Variants in TTC29 observed in about 807,000 individuals in gnomAD.
The protein encoded by TTC29 is tetratricopeptide repeat protein 29.
Under a neutral mutation model 58.1 loss-of-function variants are expected in TTC29, and 49 were observed. That is an observed-to-expected ratio of 0.84 (90% CI 0.67 to 1.07). The LOEUF (loss-of-function observed/expected upper bound fraction) is 1.07, where lower values mean the gene tolerates loss of function less well. Among genes scored for constraint, TTC29 ranks in the 50% least tolerant of loss-of-function variants. TTC29 has a pLI of 0.00. For synonymous variants in TTC29, 209 were observed against 196.8 expected (o/e 1.06, Z -0.52); for missense variants, 582 against 555.6 (o/e 1.05, Z -0.48).
chr4:146,825,018 G>T (rs1727677555), intron 9 of TTC29, among the ~76,000 whole-genome samples: 1 of 151,986 alleles, frequency 6.6e-6, no homozygotes, highest in African/African-American at 2.4e-5. Context: ...CTTGCTAGCA[G>T]TTTATCTATT....
intron 3 of TTC29, among the ~76,000 whole-genome samples, chr4:146,938,860 G>A (rs1235868877): frequency 6.6e-6 from 1 of 152,076 alleles, no homozygotes; most frequent in Non-Finnish European, 1.5e-5. Context: ...ATTTATATTG[G>A]TAACTAATAT....
intron 11 of TTC29, among the ~76,000 whole-genome samples, chr4:146,745,371 G>C (rs1389018291): frequency 6.6e-6 from 1 of 152,350 alleles, no homozygotes; most frequent in African/African-American, 2.4e-5. Context: ...ACTAGTCATG[G>C]AGCTGAGGCT....
At chr4:146,866,090 C>T (rs538220162) in intron 8 of TTC29, among the ~76,000 whole-genome samples, 72 of 152,172 alleles carry the variant, frequency 4.7e-4, no homozygotes, top group African/African-American at 1.6e-3. Flanking sequence ...AAGCCAGAAA[C>T]GTGTAACTGT....
intron 11 of TTC29, among the ~76,000 whole-genome samples, chr4:146,755,312 T>G (rs1405700625): frequency 6.6e-6 from 1 of 152,170 alleles, no homozygotes; most frequent in Non-Finnish European, 1.5e-5. Context: ...CAATATAAAG[T>G]TTTAATGCAA....
intron 5 of TTC29, among the ~76,000 whole-genome samples, chr4:146,905,490 A>G (rs1231029545): frequency 6.6e-6 from 1 of 151,702 alleles, no homozygotes; most frequent in Non-Finnish European, 1.5e-5. Flanking sequence ...ACTACTTGTC[A>G]GCTAAGCTAT....
intron 8 of TTC29, among the ~76,000 whole-genome samples, chr4:146,838,083 C>G (rs1395269154): frequency 6.6e-6 from 1 of 151,900 alleles, no homozygotes; most frequent in Admixed American, 6.6e-5. Context: ...GAAGATGAAG[C>G]TTTAAAAACA....
intron 10 of TTC29, among the ~76,000 whole-genome samples, chr4:146,819,355 C>T (rs1481503499): frequency 2.0e-5 from 3 of 149,460 alleles, no homozygotes; most frequent in Non-Finnish European, 4.4e-5. Context: ...CATACACAGA[C>T]TCTGAAAGAG....
At chr4:146,824,912 TTAG>T (rs1196478584) in intron 9 of TTC29, among the ~76,000 whole-genome samples, 1 of 152,068 alleles carries the variant, frequency 6.6e-6, no homozygotes. Context: ...ATATTCTCTG[TTAG>T]TAGTTTGTAT....
At chr4:146,919,209 G>A (rs1267083503) in intron 4 of TTC29, among the ~76,000 whole-genome samples, 2 of 150,990 alleles carry the variant, frequency 1.3e-5, no homozygotes, top group Admixed American at 6.6e-5. Flanking sequence ...ATTACAACAC[G>A]ACTCCAAACA....
At chr4:146,917,613 A>T (rs7680412) in intron 4 of TTC29, among the ~76,000 whole-genome samples, 1 of 126,756 alleles carries the variant, frequency 7.9e-6, no homozygotes, top group African/African-American at 3.1e-5. Flanking sequence ...ATTATTTATA[A>T]TATATAATTA....
intron 11 of TTC29, among the ~76,000 whole-genome samples, chr4:146,795,492 A>C (rs1360975847): frequency 6.6e-6 from 1 of 152,184 alleles, no homozygotes; most frequent in East Asian, 1.9e-4. Flanking sequence ...TTTGTCATGA[A>C]AAGCATTTAT....
rs546614100 is a variant in TTC29 at position 146,833,570 on chromosome 4, T to C, written c.977+236A>G. ...CTTTTATTCAAGGTCATCACTAAACTTACAGAAAACCAAAAAGAAAATAAT... is the reference window on the plus strand; with the variant it reads ...CTTTTATTCAAGGTCATCACTAAACCTACAGAAAACCAAAAAGAAAATAAT... On this transcript the variant is annotated intron_variant, in intron 9 of 12. Transcript: ENST00000325106. 9.6e-4 allele frequency among the ~76,000 whole-genome samples: 146 copies of C among 152,174 alleles called. 2 individuals are homozygous for C. The highest frequency in any genetic ancestry group is 2.8e-3 in the African/African-American group (118 of 41,516).
chr4:146,932,389 G>A lies in TTC29; in HGVS notation c.176+5205C>T, dbSNP rs561009944. On this transcript the variant is annotated intron_variant, in intron 4 of 12. Transcript: ENST00000325106. The stretch of plus-strand genomic sequence containing the variant: ...ATAGAGAATTTATTACTTTACCAAA[G>A]AGCAAACTTTTTTAAGAGAAACCAA... 3.9e-5 allele frequency among the ~76,000 whole-genome samples: 6 copies of A among 152,202 alleles called. No individual in the cohort carries two copies. The South Asian group carries it at 1.2e-3, about 32-fold the overall frequency.
chr4:146,803,414 G>C (rs754711902), intron 11 of TTC29, 43 bp downstream of exon 11: 2 of 1,286,272 alleles, frequency 1.6e-6, no homozygotes, highest in Non-Finnish European at 2.2e-6. Flanking sequence ...TAATCATTGA[G>C]AATGATATGA....
intron 6 of TTC29, among the ~76,000 whole-genome samples, chr4:146,895,751 A>T (rs186085023): frequency 6.6e-6 from 1 of 152,136 alleles, no homozygotes. Flanking sequence ...TTTCTTATGA[A>T]TTTGTTTTAT....
intron 11 of TTC29, among the ~76,000 whole-genome samples, chr4:146,776,843 G>A (rs377111515): frequency 1.3e-5 from 2 of 152,216 alleles, no homozygotes; most frequent in African/African-American, 4.8e-5. Context: ...GGCACAGGCC[G>A]GGGCGAGTTG....
chr4:146,898,462 CT>C (rs2150261758), intron 6 of TTC29, among the ~76,000 whole-genome samples: 2 of 152,308 alleles, frequency 1.3e-5, no homozygotes, highest in East Asian at 3.9e-4. Flanking sequence ...GTCAGGACAG[CT>C]GTTTCTTTCT....
At chr4:146,722,372 C>T (rs1743431396) in intron 11 of TTC29, among the ~76,000 whole-genome samples, 1 of 152,054 alleles carries the variant, frequency 6.6e-6, no homozygotes. Context: ...CAATCCTAAG[C>T]AAAAAGAATA....
At chr4:146,901,147 A>G (rs1733121115) in intron 6 of TTC29, among the ~76,000 whole-genome samples, 2 of 152,232 alleles carry the variant, frequency 1.3e-5, no homozygotes, top group Admixed American at 1.3e-4. Flanking sequence ...TATATAAGGA[A>G]GAACTTAACC....
Sources: gnomAD v4.1 joint callset for allele counts (sites outside exome capture counted in the v4.1 genomes callset) on GRCh38, gnomAD v4.1.1 for gene constraint, MANE v1.5 for transcripts, NCBI Gene and HGNC (gene_info 2026-07-23, HGNC 2026-07-21) for gene names.